Variants in SEC16B observed in about 807,000 individuals in gnomAD.
SEC16B encodes protein transport protein Sec16B.
SEC16B carries 115 observed loss-of-function variants against 141.8 expected under a neutral mutation model. The observed-to-expected ratio is 0.81, with a 90% CI of 0.70 to 0.95. The LOEUF (loss-of-function observed/expected upper bound fraction) is 0.95. Among genes scored for constraint, SEC16B ranks in the 40% least tolerant of loss-of-function variants. SEC16B has a pLI of 0.00. For synonymous variants in SEC16B, 493 were observed against 492.5 expected, an observed-to-expected ratio of 1.00 and a Z score of -0.01; for missense variants, 1,291 against 1,312.3, an observed-to-expected ratio of 0.98 and a Z score of 0.25.
At chr1:177,960,702 G>A (rs1006004296) in intron 7 of SEC16B, 89 bp downstream of exon 7, 33 of 1,402,876 alleles carry the variant, frequency 2.4e-5, no homozygotes, top group South Asian at 1.3e-4. Flanking sequence ...GAGATGCCCC[G>A]GCTCAGGCAC....
At chr1:177,948,590 AG>A (rs1651922145) in intron 12 of SEC16B, 3 of 1,304,204 alleles carry the variant, frequency 2.3e-6, no homozygotes, top group Non-Finnish European at 3.0e-6. Flanking sequence ...AAATGTACAA[AG>A]CCCCGCATCA....
At position 177,954,391 on chromosome 1, in the gene SEC16B, A is replaced by G; in HGVS notation, c.1366-15T>C. On this transcript the variant is annotated splice_polypyrimidine_tract_variant and intron_variant, in intron 10 of 25. Coordinates refer to ENST00000308284, the MANE Select transcript of SEC16B (RefSeq NM_033127.4). ...TCCAAGGCTTCCTGAAAACCAAAAC[A>G]TCACATTCAAGAGTGCCTTTCCCAC... 6.4e-7 allele frequency: 1 copy of G among 1,556,850 alleles called. No individual in the cohort carries two copies. Among genetic ancestry groups the G allele is most frequent in the Non-Finnish European group, 8.7e-7 (1 of 1,148,084 alleles).
chr1:177,972,233 G>A (rs948322951), upstream of SEC16B, among the ~76,000 whole-genome samples: 2 of 152,030 alleles, frequency 1.3e-5, no homozygotes, highest in Non-Finnish European at 2.9e-5. Flanking sequence ...TAGACATATG[G>A]CATACAACAG....
chr1:177,940,583 C>T, intron 17 of SEC16B, 27 bp downstream of exon 17: 1 of 1,539,788 alleles, frequency 6.5e-7, no homozygotes, highest in Admixed American at 1.7e-5. Flanking sequence ...CCAGTCCCCC[C>T]AACGCCCTGG....
At chr1:177,947,395 G>A (rs1178774428) in intron 13 of SEC16B, among the ~76,000 whole-genome samples, 2 of 152,056 alleles carry the variant, frequency 1.3e-5, no homozygotes, top group East Asian at 1.9e-4. Flanking sequence ...ACAGCAACAG[G>A]AGGCAAGGTG....
intron 20 of SEC16B, among the ~76,000 whole-genome samples, chr1:177,934,357 A>G (rs527401353): frequency 1.9e-3 from 284 of 152,204 alleles, no homozygotes; most frequent in African/African-American, 6.4e-3. Flanking sequence ...GAATTTGCCT[A>G]TTCTATGTAT....
At chr1:177,946,836 G>GA (rs1651754577) in intron 13 of SEC16B, among the ~76,000 whole-genome samples, 1 of 152,194 alleles carries the variant, frequency 6.6e-6, no homozygotes, top group African/African-American at 2.4e-5. Context: ...TCCTCAGGGT[G>GA]AAAAATGAGT....
At chr1:177,966,906 A>C (rs1218966925) in intron 2 of SEC16B, among the ~76,000 whole-genome samples, 2 of 152,176 alleles carry the variant, frequency 1.3e-5, no homozygotes, top group African/African-American at 4.8e-5. Flanking sequence ...TCTTAGGGAT[A>C]AATTTCTTTA....
chr1:177,972,271 T>G (rs1653992742), upstream of SEC16B, among the ~76,000 whole-genome samples: 1 of 152,220 alleles, frequency 6.6e-6, no homozygotes, highest in Non-Finnish European at 1.5e-5. Context: ...TTAACTAGAT[T>G]GTGATGGGAT....
upstream of SEC16B, chr1:177,971,518 T>A (rs1410912143): frequency 1.3e-5 from 2 of 152,194 alleles, no homozygotes; most frequent in Non-Finnish European, 2.9e-5. Context: ...TGGGTGATGA[T>A]TACACTGACG....
rs1202061389 is a variant in SEC16B at position 177,932,477 on chromosome 1, G to C, written c.3012+13C>G. 6.6e-7 allele frequency: 1 copy of C among 1,522,966 alleles called. No homozygotes were observed. 94.3% of individuals were successfully genotyped at this position (1,522,966 alleles called of 1,614,324 possible). ...GCTGGGGTCCGAGGCTCCAGCCCAG[G>C]GGGGCCGCTTACCTCTGGTCCAGAC... is the stretch of plus-strand genomic sequence containing the variant. On this transcript the variant is annotated intron_variant, in intron 24 of 25. Transcript: ENST00000308284.
At chr1:177,936,195 A>T in intron 20 of SEC16B, 103 bp downstream of exon 20, 1 of 867,312 alleles carries the variant, frequency 1.2e-6, no homozygotes, top group African/African-American at 1.7e-5. Context: ...AAGCTGCTGC[A>T]ACACTGAGGA....
intron 1 of SEC16B, among the ~76,000 whole-genome samples, chr1:177,982,882 A>G (rs981645167): frequency 6.6e-6 from 1 of 152,230 alleles, no homozygotes; most frequent in Non-Finnish European, 1.5e-5. Context: ...ATCAATAACC[A>G]TTTGAAAACA....
At chr1:177,931,085 A>G (rs1240159996) in intron 24 of SEC16B, among the ~76,000 whole-genome samples, 1 of 152,272 alleles carries the variant, frequency 6.6e-6, no homozygotes, top group Non-Finnish European at 1.5e-5. Context: ...TATCGGCCCA[A>G]AAGGAAAGAA....
rs139049391 is a variant in SEC16B, at chr1:177,967,930, C to G, written c.52G>C (p.Ala18Pro). Reference protein sequence around the residue: ...RLPQTRGKATAPSKDPDRGFR... With the variant: ...RLPQTRGKATPPSKDPDRGFR... ...CCTCGGTCTGGATCCTTTGAGGGTG[C>G]TGTGGCCTTCCCTCGTGTCTGGGGC... The change falls in exon 2 of 26, where the codon GCA (alanine) becomes CCA (proline). Residue 18 changes from alanine to proline, a missense_variant. Ala to Pro is a conservative substitution (Grantham distance 27, BLOSUM62 -1). Around this residue, in one of 3 missense-constraint regions of SEC16B, gnomAD observed 681 missense variants for 675.5 expected, o/e 1.01. Coordinates refer to ENST00000308284, the MANE Select transcript of SEC16B (RefSeq NM_033127.4). 4 of 1,613,576 alleles carry G rather than the reference C, an allele frequency of 2.5e-6. No individual in the cohort carries two copies. The highest frequency in any genetic ancestry group is 1.7e-5 in the Admixed American group (1 of 60,006).
At chr1:177,972,688 T>C (rs1654010093), upstream of SEC16B, among the ~76,000 whole-genome samples, 1 of 152,192 alleles carries the variant, frequency 6.6e-6, no homozygotes, top group Non-Finnish European at 1.5e-5. Flanking sequence ...GACAGCACTG[T>C]CTAGGGTCTA....
At chr1:177,936,476 G>A (rs1030488881) in intron 19 of SEC16B, 111 bp from the exon 20 acceptor site, 18 of 935,714 alleles carry the variant, frequency 1.9e-5, no homozygotes, top group South Asian at 1.6e-4. Flanking sequence ...GCAGAAGCTC[G>A]GAGCCCATAA....
intron 12 of SEC16B, among the ~76,000 whole-genome samples, chr1:177,948,208 G>A (rs1326995391): frequency 6.6e-6 from 1 of 152,154 alleles, no homozygotes; most frequent in Non-Finnish European, 1.5e-5. Flanking sequence ...AAATGACATT[G>A]CTCACTTACT....
chr1:177,966,736 T>G (rs1372754661), intron 2 of SEC16B, among the ~76,000 whole-genome samples: 1 of 151,972 alleles, frequency 6.6e-6, no homozygotes, highest in Admixed American at 6.6e-5. Flanking sequence ...CTAATTTTTT[T>G]GTTTTGTTTT....
Sources: allele counts gnomAD v4.1 joint callset (sites outside exome capture counted in the v4.1 genomes callset), GRCh38; gene constraint gnomAD v4.1.1; regional missense constraint gnomAD v4.1.1; transcripts MANE v1.5; gene names NCBI Gene and HGNC (gene_info 2026-07-23, HGNC 2026-07-21).